USH2A: variants seen among roughly 807,000 people sequenced by gnomAD.
USH2A encodes usherin, also known as Usher syndrome 2A (autosomal recessive, mild).
Under a neutral mutation model 538.9 loss-of-function variants are expected in USH2A, and 443 were observed. The observed-to-expected ratio is 0.82, with a 90% CI of 0.76 to 0.89. USH2A has a LOEUF of 0.89. Ranked by LOEUF, USH2A falls within the 40% of genes least tolerant of loss-of-function variation. USH2A has a pLI of 0.00. For synonymous variants in USH2A, 2,413 were observed against 2,273.5 expected, an observed-to-expected ratio of 1.06 and a Z score of -1.75; for missense variants, 6,633 against 6,324.8, an observed-to-expected ratio of 1.05 and a Z score of -1.65.
At chr1:216,106,685 T>C (rs1454697681) in intron 21 of USH2A, among the ~76,000 whole-genome samples, 1 of 151,784 alleles carries the variant, frequency 6.6e-6, no homozygotes. Context: ...CCTTAATTTT[T>C]TTCATTTCTT....
chr1:216,225,206 T>C (rs953861551), intron 14 of USH2A, among the ~76,000 whole-genome samples: 3 of 152,104 alleles, frequency 2.0e-5, no homozygotes, highest in African/African-American at 7.2e-5. Context: ...TGTTGGTGTA[T>C]ATACAATAAC....
chr1:215,643,055 G>A (rs986411140), intron 67 of USH2A, among the ~76,000 whole-genome samples: 7 of 152,112 alleles, frequency 4.6e-5, no homozygotes, highest in African/African-American at 1.7e-4. Context: ...GAGTGCAGTG[G>A]CGCTATCTCG....
intron 14 of USH2A, among the ~76,000 whole-genome samples, chr1:216,227,175 A>G (rs2035579247): frequency 6.6e-6 from 1 of 152,218 alleles, no homozygotes; most frequent in Admixed American, 6.5e-5. Context: ...TTTAATAGTC[A>G]CATAACTAGT....
intron 4 of USH2A, among the ~76,000 whole-genome samples, chr1:216,349,507 T>C (rs1414123922): frequency 6.6e-6 from 1 of 152,086 alleles, no homozygotes; most frequent in Admixed American, 6.6e-5. Context: ...ATAAAACAGA[T>C]TGCAGTAAAG....
chr1:216,232,974 A>ACACCCAGAC (rs1195650956), intron 13 of USH2A, among the ~76,000 whole-genome samples: 9 of 152,196 alleles, frequency 5.9e-5, no homozygotes, highest in Admixed American at 3.3e-4. Flanking sequence ...ACCCAGGTTT[A>ACACCCAGAC]CACCCAGACC....
Position 216,286,646 on chromosome 1 carries a change from C to A in USH2A, c.1971+2634G>T, listed in dbSNP as rs555604720. On this transcript the variant is annotated intron_variant, in intron 11 of 71. Coordinates refer to ENST00000307340, the MANE Select transcript of USH2A (RefSeq NM_206933.4). ...GGCCGAGGCAGGAGAATAGCTTGAA[C>A]CCCAGAGGTGGAGGTGGCAGTGAGC... 3.9e-5 allele frequency among the ~76,000 whole-genome samples: 6 copies of A among 152,252 alleles called. No individual in the cohort carries two copies. The South Asian group carries it at 8.3e-4, about 21-fold the overall frequency.
Position 215,798,951 on chromosome 1 carries a change from T to C in USH2A, c.9914A>G (p.Glu3305Gly). The C allele has an allele frequency of 6.2e-7, 1 of 1,614,004 alleles. No individual in the cohort carries two copies. Among genetic ancestry groups the C allele is most frequent in the Non-Finnish European group, 8.5e-7 (1 of 1,179,964 alleles). Residue 3305 changes from glutamate to glycine, a missense_variant, in exon 50 of 72, where the codon GAG becomes GGG. Coordinates refer to ENST00000307340, the MANE Select transcript of USH2A (RefSeq NM_206933.4). ...CACTCCTTCTTCTCCACCACAACAC[T>C]CTAAATCGTTGCTCACAATCTGTCT... ...CGRQIVSNDL[E>G]CCGGEEGVVY...
At chr1:215,721,001 T>A (rs1158139308) in intron 61 of USH2A, among the ~76,000 whole-genome samples, 3 of 152,042 alleles carry the variant, frequency 2.0e-5, no homozygotes, top group Non-Finnish European at 4.4e-5. Context: ...AAGAGGAAAA[T>A]GACCATGCCC....
intron 9 of USH2A, among the ~76,000 whole-genome samples, chr1:216,296,665 C>CTGTT (rs1182499806): frequency 6.6e-6 from 1 of 151,994 alleles, no homozygotes; most frequent in East Asian, 1.9e-4. Context: ...TCAGAATTGA[C>CTGTT]TGTTAGGTGA....
chr1:215,740,878 C>A (rs57986259), intron 60 of USH2A, among the ~76,000 whole-genome samples: 1 of 152,118 alleles, frequency 6.6e-6, no homozygotes, highest in African/African-American at 2.4e-5. Flanking sequence ...CTAGATCCCC[C>A]ACATGCGCAG....
rs201182885 is a variant in USH2A at position 215,782,845 on chromosome 1, C to A, written c.10478G>T (p.Arg3493Ile). ...TCCTTGAGGCACATCTTCTTTTGTT[C>A]TGGCTCTCACAGCTTTGCTGAGTCC... is the stretch of plus-strand genomic sequence containing the variant. The part of the protein sequence containing the change: ...GRGLSKAVRA[R>I]TKEDVPQGVS... The change falls in exon 53 of 72, where the codon AGA (arginine) becomes ATA (isoleucine). Residue 3493 changes from arginine (R) to isoleucine (I), a missense_variant. Physicochemically the swap from Arg to Ile is moderately conservative, Grantham distance 97. Transcript: ENST00000307340. 6.2e-7 allele frequency: 1 copy of A among 1,613,956 alleles called. No individual in the cohort carries two copies. The highest frequency in any genetic ancestry group is 1.7e-5 in the Admixed American group (1 of 59,978).
intron 55 of USH2A, among the ~76,000 whole-genome samples, chr1:215,768,588 A>G (rs1571666821): frequency 6.6e-6 from 1 of 152,216 alleles, no homozygotes; most frequent in East Asian, 1.9e-4. Context: ...GATGAAGAAT[A>G]TGACTAAAGA....
chr1:215,630,563 C>A (rs931250797), intron 70 of USH2A, among the ~76,000 whole-genome samples: 15 of 137,256 alleles, frequency 1.1e-4, no homozygotes, highest in African/African-American at 3.9e-4. Flanking sequence ...ACTAAAACTT[C>A]ATAGTGAGGC....
In USH2A at chr1:215,782,096, T is replaced by C. The variant is rs780403313; in HGVS notation, c.10686A>G (p.Glu3562=). 5 of 1,614,022 alleles carry C rather than the reference T, an allele frequency of 3.1e-6. No homozygotes were observed. Among genetic ancestry groups the C allele is most frequent in the Non-Finnish European group, 3.4e-6 (4 of 1,179,882 alleles). ...TGCAAGCTTTCAGCTGATATGAATA[T>C]TCCTGAAATGGTTGAATTCCCTCTT... ...SDKEGIQPFQ[E]YSYQLKACTV... is the part of the protein sequence containing the mutation. Residue 3562 remains glutamate, a synonymous_variant, in exon 54 of 72, where the codon GAA becomes GAG. Transcript: ENST00000307340.
At chr1:216,225,097 A>T (rs896478186) in intron 14 of USH2A, among the ~76,000 whole-genome samples, 1 of 152,124 alleles carries the variant, frequency 6.6e-6, no homozygotes, top group Non-Finnish European at 1.5e-5. Context: ...ATATATTTAC[A>T]TTACATGTGA....
chr1:215,996,721 A>G (rs1487124070), intron 34 of USH2A, among the ~76,000 whole-genome samples: 2 of 151,984 alleles, frequency 1.3e-5, no homozygotes, highest in Non-Finnish European at 2.9e-5. Context: ...TCATTCATTC[A>G]GGAATTGTTT....
intron 4 of USH2A, among the ~76,000 whole-genome samples, chr1:216,336,834 G>A (rs1035932139): frequency 6.6e-6 from 1 of 151,492 alleles, no homozygotes; most frequent in East Asian, 1.9e-4. Context: ...AAAATTCTTT[G>A]TGACCTTGAC....
In USH2A at chr1:216,250,965, A is replaced by T. The variant is rs779467744; in HGVS notation, c.2105T>A (p.Val702Glu). 6.2e-7 allele frequency: 1 copy of T among 1,614,040 alleles called. No individual in the cohort carries two copies. The highest frequency in any genetic ancestry group is 1.7e-5 in the Admixed American group (1 of 60,024). The change falls in exon 12 of 72, where the codon GTG (valine) becomes GAG (glutamate). Residue 702 changes from valine to glutamate, a missense_variant. Physicochemically the swap from Val to Glu is moderately radical, Grantham distance 121. Transcript: ENST00000307340. ...SPCNCNTSGT[V>E]DGDITCHQNS... ...TTGGTGACAGGTAATATCTCCATCC[A>T]CTGTCCCAGAGGTATTGCAGTTACA...
chr1:215,978,975 A>G (rs1667686203), intron 35 of USH2A, among the ~76,000 whole-genome samples: 1 of 152,208 alleles, frequency 6.6e-6, no homozygotes, highest in African/African-American at 2.4e-5. Context: ...AGCTGGATGT[A>G]TTAGTCCCTT....
Sources: gnomAD v4.1 joint callset for allele counts (sites outside exome capture counted in the v4.1 genomes callset) on GRCh38, gnomAD v4.1.1 for gene constraint, MANE v1.5 for transcripts, NCBI Gene and HGNC (gene_info 2026-07-23, HGNC 2026-07-21) for gene names.